Variants in PGC observed in about 807,000 individuals in gnomAD.
PGC encodes gastricsin.
A neutral mutation model predicts 45.9 loss-of-function variants in PGC; 31 were observed. The ratio of observed to expected loss-of-function variants is 0.67; its 90% CI spans 0.51 to 0.91. The LOEUF (loss-of-function observed/expected upper bound fraction) is 0.91, where lower values mean the gene tolerates loss of function less well. PGC is among the 40% of genes least tolerant of loss of function. The pLI is 0.00. For synonymous variants in PGC, 192 were observed against 201.8 expected, an observed-to-expected ratio of 0.95 and a Z score of 0.41; for missense variants, 477 against 493.2, an observed-to-expected ratio of 0.97 and a Z score of 0.31.
Position 41,743,738 on chromosome 6 carries a change from C to T in PGC, c.329-349G>A, listed in dbSNP as rs559071171. ...TCATCAGATGAAGAAGTGAATGGGCCTGCACCACATCCCAGCATTCCCCCC... is the reference window on the plus strand; with the variant it reads ...TCATCAGATGAAGAAGTGAATGGGCTTGCACCACATCCCAGCATTCCCCCC... On this transcript the variant is annotated intron_variant, in intron 3 of 8. Transcript: ENST00000373025. 2.9e-4 allele frequency among the ~76,000 whole-genome samples: 44 copies of T among 152,320 alleles called. No individual in the cohort carries two copies. The South Asian group carries it at 8.9e-3, about 31-fold the overall frequency.
In PGC at chr6:41,736,877, CTG is replaced by C. The variant is rs1360566934; in HGVS notation, c.1140_1141del (p.Asn380LysfsTer28). On this transcript the variant is annotated frameshift_variant, in exon 9 of 9. Transcript: ENST00000373025. LOFTEE classifies it high-confidence loss of function. The stretch of plus-strand genomic sequence containing the variant: ...CTAGGCGGCAGTGGCAAAGCCTACT[CTG>C]TTGTTGCCCAAGTCGTAGACGGAAT... 5.6e-6 allele frequency: 9 copies of C among 1,614,066 alleles called. No individual in the cohort carries two copies. Among genetic ancestry groups the C allele is most frequent in the Non-Finnish European group, 1.7e-6 (2 of 1,180,044 alleles).
At position 41,747,135 on chromosome 6, in the gene PGC, A is replaced by G. The variant is rs561917154; in HGVS notation, c.59+141T>C. On this transcript the variant is annotated intron_variant, in intron 1 of 8. Transcript: ENST00000373025. ...CTTCCACCCATGTGTCCTGTCTAACATCAGCAAAGGGAGACTTCCCTTCCC... is the reference window on the plus strand; with the variant it reads ...CTTCCACCCATGTGTCCTGTCTAACGTCAGCAAAGGGAGACTTCCCTTCCC... 6 of 707,134 alleles carry G rather than the reference A, an allele frequency of 8.5e-6. No individual in the cohort carries two copies. The East Asian group carries it at 1.3e-4, about 15-fold the overall frequency. The allele number at this position is 707,134 out of a possible 1,614,324, so 43.8% of individuals were successfully genotyped here.
At chr6:41,740,812 G>T in intron 5 of PGC, 1 of 1,428,126 alleles carries the variant, frequency 7.0e-7, no homozygotes, top group Non-Finnish European at 9.1e-7. Flanking sequence ...TGAGGATGGG[G>T]CTGTGTCCCT....
In PGC at chr6:41,745,974, C is replaced by T. The variant is rs181586097; in HGVS notation, c.60-1166G>A. 4.4e-3 allele frequency among the ~76,000 whole-genome samples: 668 copies of T among 151,746 alleles called. 6 individuals are homozygous for T. Among genetic ancestry groups the T allele is most frequent in the African/African-American group, 0.015 (635 of 41,428 alleles). ...GGTCAGGAGTTCGAGACCAGACTGGCCAAGATGGTGAAAACCCATCTCTAC... is the reference window on the plus strand; with the variant it reads ...GGTCAGGAGTTCGAGACCAGACTGGTCAAGATGGTGAAAACCCATCTCTAC... On this transcript the variant is annotated intron_variant, in intron 1 of 8. Coordinates refer to ENST00000373025, the MANE Select transcript of PGC (RefSeq NM_002630.4).
chr6:41,740,703 T>C, intron 5 of PGC, 93 bp from the exon 6 acceptor site: 2 of 1,499,388 alleles, frequency 1.3e-6, no homozygotes. Context: ...CAGAGCTCCT[T>C]CCCTGATCCA....
chr6:41,740,748 C>T (rs1383311299), intron 5 of PGC, 138 bp from the exon 6 acceptor site: 3 of 1,461,194 alleles, frequency 2.1e-6, no homozygotes, highest in Non-Finnish European at 2.7e-6. Context: ...CTGAGTCTCC[C>T]TTCAGACTGG....
At chr6:41,738,401 G>T (rs928729205) in intron 7 of PGC, among the ~76,000 whole-genome samples, 1 of 151,360 alleles carries the variant, frequency 6.6e-6, no homozygotes, top group African/African-American at 2.4e-5. Flanking sequence ...GCCGAGGTAG[G>T]CAGATTGCTT....
intron 4 of PGC, 83 bp downstream of exon 4, chr6:41,743,188 A>G: frequency 1.2e-6 from 1 of 846,616 alleles, no homozygotes; most frequent in Non-Finnish European, 2.0e-6. Context: ...CTAGCATTCC[A>G]CCGTGTTTCA....
chr6:41,738,266 A>ATATATATATATATG (rs1223190895), intron 7 of PGC, among the ~76,000 whole-genome samples: 2 of 6,784 alleles, frequency 2.9e-4, no homozygotes, highest in South Asian at 4.2e-3. Context: ...ATATATATGC[A>ATATATATATATATG]CACACACACA....
chr6:41,742,466 G>C lies in PGC; in HGVS notation c.471C>G (p.Asn157Lys). ...TLTVQSIQVP[N>K]QEFGLSENEP... Reference sequence around the variant, plus strand: ...CATTCTCACTCAAGCCGAACTCCTGGTTGGGGACCTGGATGCTCTGGACCT... The same window carrying C: ...CATTCTCACTCAAGCCGAACTCCTGCTTGGGGACCTGGATGCTCTGGACCT... Residue 157 changes from asparagine (N) to lysine (K), a missense_variant, in exon 5 of 9, where the codon AAC becomes AAG. Asn to Lys is a moderately conservative substitution (Grantham distance 94, BLOSUM62 0). Transcript: ENST00000373025. 2 of 1,614,192 alleles carry C rather than the reference G, an allele frequency of 1.2e-6. No homozygotes were observed. The highest frequency in any genetic ancestry group is 1.7e-6 in the Non-Finnish European group (2 of 1,180,034).
intron 5 of PGC, chr6:41,741,752 C>T: frequency 2.7e-6 from 4 of 1,457,148 alleles, no homozygotes; most frequent in South Asian, 1.2e-5. Context: ...GCCTGTCTCA[C>T]TAAATGCCTG....
chr6:41,737,106 G>A, intron 8 of PGC, 102 bp from the exon 9 acceptor site: 3 of 1,179,076 alleles, frequency 2.5e-6, no homozygotes, highest in South Asian at 3.1e-5. Flanking sequence ...CAGAGCTGAG[G>A]GAGCCAGGGT....
intron 6 of PGC, 23 bp from the exon 7 acceptor site, chr6:41,739,969 G>A (rs750204009): frequency 6.2e-7 from 1 of 1,609,902 alleles, no homozygotes; most frequent in South Asian, 1.1e-5. Context: ...AAGACAGGCA[G>A]CCTCAGGACT....
At chr6:41,741,237 C>T (rs559390047) in intron 5 of PGC, 39 of 1,457,296 alleles carry the variant, frequency 2.7e-5, no homozygotes, top group Admixed American at 7.4e-5. Context: ...TCTGTTTACA[C>T]GCAGAGGAAT....
chr6:41,740,803 G>A (rs1771808127), intron 5 of PGC, 193 bp from the exon 6 acceptor site: 2 of 1,425,196 alleles, frequency 1.4e-6, no homozygotes, highest in Admixed American at 3.0e-5. Flanking sequence ...GGAGCTCCCT[G>A]AGGATGGGGC....
intron 5 of PGC, chr6:41,741,005 G>A (rs1242344253): frequency 1.2e-5 from 18 of 1,534,842 alleles, no homozygotes; most frequent in Non-Finnish European, 1.6e-5. Flanking sequence ...GACTTCTGGG[G>A]GGTCCCCTAG....
At chr6:41,741,241 G>A (rs1262456626) in intron 5 of PGC, 2 of 1,464,546 alleles carry the variant, frequency 1.4e-6, no homozygotes, top group Admixed American at 2.5e-5. Context: ...TTTACACGCA[G>A]AGGAATCATA....
intron 5 of PGC, among the ~76,000 whole-genome samples, chr6:41,741,416 C>T (rs942221142): frequency 9.2e-5 from 14 of 152,142 alleles, no homozygotes; most frequent in East Asian, 5.8e-4. Context: ...AAGGCCGAGG[C>T]GGGTGGATCA....
rs1490031452 is a variant in PGC at position 41,740,613 on chromosome 6, G to T, written c.648-3C>A. ...CTCCCCCGCTGGAGCCCTGCTGGCT[G>T]CAGGAGAGAAAGGGAAGGGGAAGTC... is the stretch of plus-strand genomic sequence containing the variant. On this transcript the variant is annotated splice_region_variant and splice_polypyrimidine_tract_variant and intron_variant, in intron 5 of 8. Coordinates refer to ENST00000373025, the MANE Select transcript of PGC (RefSeq NM_002630.4). 2.6e-5 allele frequency: 42 copies of T among 1,594,358 alleles called. No homozygotes were observed. In the East Asian group the frequency reaches 9.6e-4, roughly 36 times the overall value.
Sources: allele counts gnomAD v4.1 joint callset (sites outside exome capture counted in the v4.1 genomes callset), GRCh38; gene constraint gnomAD v4.1.1; transcripts MANE v1.5; gene names NCBI Gene and HGNC (gene_info 2026-07-23, HGNC 2026-07-21).